FGF12: variants seen among roughly 807,000 people sequenced by gnomAD.
FGF12 encodes fibroblast growth factor 12.
Under a neutral mutation model 23.6 loss-of-function variants are expected in FGF12, and 14 were observed. The observed-to-expected ratio is 0.59, with a 90% CI of 0.39 to 0.93. The LOEUF is 0.93. FGF12 is among the 40% of genes least tolerant of loss of function. The pLI is 0.00. For missense variants in FGF12, 175 were observed against 217.8 expected, an observed-to-expected ratio of 0.80 and a Z score of 1.24; for synonymous variants, 62 against 77.3, an observed-to-expected ratio of 0.80 and a Z score of 1.04.
intron 2 of FGF12, among the ~76,000 whole-genome samples, chr3:192,697,685 G>C (rs1177925362): frequency 6.6e-6 from 1 of 152,144 alleles, no homozygotes; most frequent in Non-Finnish European, 1.5e-5. Flanking sequence ...CCATGAAGAT[G>C]GAGATGTACT....
intron 2 of FGF12, among the ~76,000 whole-genome samples, chr3:192,633,868 G>A (rs958581854): frequency 2.0e-5 from 3 of 152,026 alleles, no homozygotes; most frequent in East Asian, 3.9e-4. Context: ...CCCTTCATGC[G>A]CCTTTATGTT....
chr3:192,714,219 C>T (rs1718786687), intron 2 of FGF12, among the ~76,000 whole-genome samples: 2 of 152,138 alleles, frequency 1.3e-5, no homozygotes, highest in South Asian at 4.1e-4. Flanking sequence ...TGCCCAATGT[C>T]TTTGGCTAGG....
chr3:192,642,708 A>G (rs972023408), intron 2 of FGF12, among the ~76,000 whole-genome samples: 8 of 152,338 alleles, frequency 5.3e-5, no homozygotes, highest in Middle Eastern at 3.4e-3. Context: ...CATAGCTCCA[A>G]TGGTTCTCAA....
intron 2 of FGF12, among the ~76,000 whole-genome samples, chr3:192,641,254 T>C (rs13095546): frequency 0.071 from 6,502 of 91,108 alleles, 1,988 homozygotes; most frequent in Middle Eastern, 0.15. Flanking sequence ...TACAGGCACC[T>C]GCCACTACGC....
intron 4 of FGF12, among the ~76,000 whole-genome samples, chr3:192,332,894 G>C (rs1577361528): frequency 6.6e-6 from 1 of 152,044 alleles, no homozygotes; most frequent in Non-Finnish European, 1.5e-5. Context: ...AACACCTCAG[G>C]AAAGTCAAAG....
At chr3:192,662,110 G>A (rs1212927235) in intron 2 of FGF12, among the ~76,000 whole-genome samples, 2 of 152,084 alleles carry the variant, frequency 1.3e-5, no homozygotes, top group African/African-American at 2.4e-5. Context: ...CAAAAGAAAT[G>A]GTGAAAGAAA....
At chr3:192,457,438 CA>C (rs1417808363) in intron 2 of FGF12, among the ~76,000 whole-genome samples, 1 of 152,132 alleles carries the variant, frequency 6.6e-6, no homozygotes, top group East Asian at 1.9e-4. Flanking sequence ...CAATAAGGTC[CA>C]GGCTGAGATG....
At chr3:192,537,800 G>A (rs576555254) in intron 2 of FGF12, among the ~76,000 whole-genome samples, 2 of 152,156 alleles carry the variant, frequency 1.3e-5, no homozygotes, top group African/African-American at 2.4e-5. Context: ...TTAACTTGAT[G>A]TGATCCCATT....
At chr3:192,495,090 A>T (rs1723911384) in intron 2 of FGF12, among the ~76,000 whole-genome samples, 1 of 151,990 alleles carries the variant, frequency 6.6e-6, no homozygotes, top group South Asian at 2.1e-4. Flanking sequence ...TGAACTCCTG[A>T]CCTCGTGATC....
chr3:192,672,397 T>C (rs1202674337), intron 2 of FGF12, among the ~76,000 whole-genome samples: 1 of 151,058 alleles, frequency 6.6e-6, no homozygotes, highest in Non-Finnish European at 1.5e-5. Flanking sequence ...AAATTCCAAG[T>C]AGATGAACAC....
chr3:192,495,517 A>C (rs1723929264), intron 2 of FGF12, among the ~76,000 whole-genome samples: 1 of 152,192 alleles, frequency 6.6e-6, no homozygotes, highest in South Asian at 2.1e-4. Context: ...TTTTAGACCT[A>C]CTTGATCTTT....
chr3:192,187,302 A>ATCT (rs1161746776), intron 4 of FGF12, among the ~76,000 whole-genome samples: 2 of 152,194 alleles, frequency 1.3e-5, no homozygotes, highest in Non-Finnish European at 2.9e-5. Flanking sequence ...GGCAAAATTT[A>ATCT]TATAGTATAT....
At chr3:192,213,600 A>G (rs955629542) in intron 4 of FGF12, among the ~76,000 whole-genome samples, 3 of 152,204 alleles carry the variant, frequency 2.0e-5, no homozygotes, top group Admixed American at 6.5e-5. Context: ...GGGCAAGACT[A>G]AGTCTTAGAT....
At chr3:192,201,762 G>A (rs1717379097) in intron 4 of FGF12, among the ~76,000 whole-genome samples, 1 of 152,206 alleles carries the variant, frequency 6.6e-6, no homozygotes, top group African/African-American at 2.4e-5. Context: ...ATTACTGCCT[G>A]TCAGTCAGAG....
intron 2 of FGF12, among the ~76,000 whole-genome samples, chr3:192,434,182 T>C (rs1339211079): frequency 6.6e-6 from 1 of 152,050 alleles, no homozygotes; most frequent in Admixed American, 6.6e-5. Context: ...ACAAAACACA[T>C]GTGAACACCC....
chr3:192,277,077 CA>C, intron 4 of FGF12, among the ~76,000 whole-genome samples: 1 of 152,196 alleles, frequency 6.6e-6, no homozygotes, highest in East Asian at 1.9e-4. Context: ...AAACTGTGAT[CA>C]AACAAATTTA....
intron 2 of FGF12, among the ~76,000 whole-genome samples, chr3:192,622,693 G>T (rs1401358162): frequency 6.6e-6 from 1 of 152,168 alleles, no homozygotes; most frequent in Admixed American, 6.5e-5. Flanking sequence ...GAAAAGCACA[G>T]ATGCATTTCA....
chr3:192,269,001 G>A (rs781013924), intron 4 of FGF12, among the ~76,000 whole-genome samples: 8 of 151,926 alleles, frequency 5.3e-5, no homozygotes, highest in African/African-American at 1.5e-4. Flanking sequence ...AGCAGCCTCC[G>A]CCTCCTGGGT....
At chr3:192,454,083 G>A (rs975490672) in intron 2 of FGF12, among the ~76,000 whole-genome samples, 4 of 151,296 alleles carry the variant, frequency 2.6e-5, no homozygotes, top group Non-Finnish European at 5.9e-5. Flanking sequence ...CTGTCGCCCA[G>A]GCTGCAGTGC....
Sources: gnomAD v4.1 joint callset for allele counts (sites outside exome capture counted in the v4.1 genomes callset) on GRCh38, gnomAD v4.1.1 for gene constraint, MANE v1.5 for transcripts, NCBI Gene and HGNC (gene_info 2026-07-23, HGNC 2026-07-21) for gene names.